The following IQCN variants were observed in gnomAD, a reference collection of about 807,000 sequenced individuals.
IQCN encodes IQ motif containing N.
Under a neutral mutation model 64.4 loss-of-function variants are expected in IQCN, and 46 were observed. That is an observed-to-expected ratio of 0.71 (90% CI 0.56 to 0.91). IQCN has a LOEUF of 0.91. Ranked by LOEUF, IQCN falls within the 40% of genes least tolerant of loss-of-function variation. IQCN has a pLI of 0.00. For synonymous variants in IQCN, 733 were observed against 775.6 expected, an observed-to-expected ratio of 0.95 and a Z score of 0.91; for missense variants, 1,753 against 1,857.4, an observed-to-expected ratio of 0.94 and a Z score of 1.03.
chr19:18,266,896 G>T lies in IQCN; in HGVS notation c.644C>A (p.Ala215Glu). The T allele has an allele frequency of 6.2e-7, 1 of 1,607,992 alleles. No individual in the cohort carries two copies. The highest frequency in any genetic ancestry group is 8.5e-7 in the Non-Finnish European group (1 of 1,175,978). The change falls in exon 3 of 4, where the codon GCA (alanine) becomes GAA (glutamate). Residue 215 changes from alanine (A) to glutamate (E), a missense_variant. Ala to Glu is a moderately radical substitution (Grantham distance 107). Coordinates refer to ENST00000392413, the MANE Select transcript of IQCN (RefSeq NM_001145304.2). This position sits in a 1 kb window ranked among gnomAD's most constrained non-coding sequence, Gnocchi z 4.3. ...PQSSPLLQPP[A>E]AQGTPEPCVQ... is the part of the protein sequence containing the mutation. Reference sequence around the variant, plus strand: ...ACAGGGCTCTGGGGTACCCTGAGCTGCTGGGGGCTGCAGGAGGGGGGACGA... The same window carrying T: ...ACAGGGCTCTGGGGTACCCTGAGCTTCTGGGGGCTGCAGGAGGGGGGACGA...
rs1169809494 is a variant in IQCN, at chr19:18,264,473, T to C, written c.3067A>G (p.Thr1023Ala). ...GGCGTCTTAGTCACCCCGCTTCCTG[T>C]TGATTTCGAGGCGGCCTTGGGGAGG... The part of the protein sequence containing the change: ...TILPKAASKS[T>A]GSGVTKTPAL... The change falls in exon 3 of 4, where the codon ACA becomes GCA. Residue 1023 changes from threonine to alanine, a missense_variant. Coordinates refer to ENST00000392413, the MANE Select transcript of IQCN (RefSeq NM_001145304.2). This position sits in a 1 kb window ranked among gnomAD's most constrained non-coding sequence, Gnocchi z 4.3. 9.7e-6 allele frequency: 15 copies of C among 1,551,406 alleles called. No individual in the cohort carries two copies. Among genetic ancestry groups the C allele is most frequent in the Non-Finnish European group, 1.2e-5 (14 of 1,146,912 alleles).
chr19:18,269,938 T>C (rs1305784177), intron 1 of IQCN, among the ~76,000 whole-genome samples: 1 of 151,192 alleles, frequency 6.6e-6, no homozygotes. Context: ...GCGTCCAGGC[T>C]GAGCACAGTG....
In IQCN at chr19:18,265,572, G is replaced by A. The variant is rs1179312141; in HGVS notation, c.1968C>T (p.Thr656=). Reference sequence around the variant, plus strand: ...GGGCAGCCAGCTGTCCCCGGGGCAGGGTGACAGCCATGTCTACAGGCACAT... The same window carrying A: ...GGGCAGCCAGCTGTCCCCGGGGCAGAGTGACAGCCATGTCTACAGGCACAT... ...HVYVPVDMAV[T]LPRGQLAAPL... Residue 656 remains threonine (T), a synonymous_variant, in exon 3 of 4, where the codon ACC becomes ACT. Coordinates refer to ENST00000392413, the MANE Select transcript of IQCN (RefSeq NM_001145304.2). The surrounding 1 kb of genome is among the most constrained non-coding windows in gnomAD (Gnocchi z 4.7). 1.9e-6 allele frequency: 3 copies of A among 1,612,096 alleles called. No individual in the cohort carries two copies. The highest frequency in any genetic ancestry group is 3.3e-5 in the Admixed American group (2 of 59,956).
chr19:18,264,900 C>T lies in IQCN; in HGVS notation c.2640G>A (p.Leu880=). 1 of 1,613,362 alleles carries T rather than the reference C, an allele frequency of 6.2e-7. No individual in the cohort carries two copies. The highest frequency in any genetic ancestry group is 1.1e-5 in the South Asian group (1 of 91,042). ...EDTVGSLLAS[L]CAEVAGVLAS... is the part of the protein sequence containing the mutation. ...CCAGCACACCAGCTACTTCAGCACA[C>T]AAGGAGGCCAGCAGGGAGCCTACCG... Residue 880 remains leucine, a synonymous_variant, in exon 3 of 4, where the codon TTG becomes TTA. Coordinates refer to ENST00000392413, the MANE Select transcript of IQCN (RefSeq NM_001145304.2). The surrounding 1 kb of genome is among the most constrained non-coding windows in gnomAD (Gnocchi z 4.3).
intron 1 of IQCN, among the ~76,000 whole-genome samples, chr19:18,271,792 CGTTT>C (rs1969740085): frequency 6.6e-6 from 1 of 151,912 alleles, no homozygotes; most frequent in Admixed American, 6.6e-5. Flanking sequence ...GGGCTCTGTT[CGTTT>C]ATTATCATTT....
chr19:18,267,804 T>C (rs1378750407), intron 2 of IQCN: 3 of 282,728 alleles, frequency 1.1e-5, no homozygotes, highest in Non-Finnish European at 1.9e-5. Flanking sequence ...TTTTTTTTTT[T>C]TTTTTGAGAC....
Position 18,264,347 on chromosome 19 carries a change from C to A in IQCN, c.3177+16G>T. On this transcript the variant is annotated intron_variant, in intron 3 of 3. Coordinates refer to ENST00000392413, the MANE Select transcript of IQCN (RefSeq NM_001145304.2). This position sits in a 1 kb window ranked among gnomAD's most constrained non-coding sequence, Gnocchi z 4.3. ...ATGGTGAAACAACCCCAGATCCCAA[C>A]CTGGGAATCCCTGACCTTGCTGGTC... 6.9e-7 allele frequency: 1 copy of A among 1,454,306 alleles called. No homozygotes were observed. The highest frequency in any genetic ancestry group is 9.1e-7 in the Non-Finnish European group (1 of 1,104,370). The allele number at this position is 1,454,306 out of a possible 1,614,324, so 90.1% of individuals were successfully genotyped here.
At chr19:18,269,356 C>T in intron 2 of IQCN, 110 bp downstream of exon 2, 2 of 1,107,850 alleles carry the variant, frequency 1.8e-6, no homozygotes, top group Non-Finnish European at 2.7e-6. Context: ...AGCTGGGACA[C>T]TGTCAAGCCA....
At chr19:18,262,308 G>A (rs1017051934) in intron 3 of IQCN, 11 of 153,046 alleles carry the variant, frequency 7.2e-5, no homozygotes, top group African/African-American at 2.2e-4. Context: ...TGGGTAGGTT[G>A]GACTTGGGGA....
Position 18,264,392 on chromosome 19 carries a change from G to T in IQCN, c.3148C>A (p.Leu1050Met). 1 of 1,518,932 alleles carries T rather than the reference G, an allele frequency of 6.6e-7. No individual in the cohort carries two copies. Among genetic ancestry groups the T allele is most frequent in the Non-Finnish European group, 8.8e-7 (1 of 1,130,426 alleles). The allele number at this position is 1,518,932 out of a possible 1,614,324, so 94.1% of individuals were successfully genotyped here. ...CTGGTCTGTGGTCTCACGGGGCCCA[G>T]GGAGGGCCCCCATGCGGCCGATGGA... The part of the protein sequence containing the change: ...RSPSAAWGPS[L>M]GPVRPQTSKG... Residue 1050 changes from leucine to methionine, a missense_variant, in exon 3 of 4, where the codon CTG (leucine) becomes ATG (methionine). Coordinates refer to ENST00000392413, the MANE Select transcript of IQCN (RefSeq NM_001145304.2). The surrounding 1 kb of genome is among the most constrained non-coding windows in gnomAD (Gnocchi z 4.3).
chr19:18,267,562 G>T, intron 2 of IQCN, 36 bp from the exon 3 acceptor site: 1 of 1,495,038 alleles, frequency 6.7e-7, no homozygotes, highest in Non-Finnish European at 8.9e-7. Context: ...GGGTGTAGCA[G>T]GTCCTGCAAA....
rs762672823 is a variant in IQCN, at chr19:18,257,522, G to A, written c.3762C>T (p.Arg1254=). 6.2e-7 allele frequency: 1 copy of A among 1,611,478 alleles called. No individual in the cohort carries two copies. The highest frequency in any genetic ancestry group is 1.1e-5 in the South Asian group (1 of 90,882). ...GTGTGCGTCCACAGGTATGACAGGT[G>A]CGAGGGCTGGAGCCCACTAGCATCA... ...SVVMLVGSSP[R]TCHTCGRTQP... Residue 1254 remains arginine, a synonymous_variant, in exon 4 of 4, where the codon CGC becomes CGT. Transcript: ENST00000392413.
Position 18,257,159 on chromosome 19 carries a change from C to G in IQCN, c.*21G>C. On this transcript the variant is annotated 3_prime_UTR_variant, in exon 4 of 4. Transcript: ENST00000392413. ...GCCATGAGTGCCTCCCACGAAGTCC[C>G]CACTGCAGGGAGCCAGGGTCCTAGA... The G allele has an allele frequency of 1.2e-6, 2 of 1,609,512 alleles. No individual in the cohort carries two copies. Among genetic ancestry groups the G allele is most frequent in the Non-Finnish European group, 1.7e-6 (2 of 1,179,230 alleles).
At chr19:18,273,127 T>C (rs944171437) in intron 1 of IQCN, among the ~76,000 whole-genome samples, 1 of 151,814 alleles carries the variant, frequency 6.6e-6, no homozygotes, top group African/African-American at 2.4e-5. Context: ...GCCTCCCAGG[T>C]TCAAAGTGAT....
intron 1 of IQCN, among the ~76,000 whole-genome samples, chr19:18,273,284 G>A (rs148275662): frequency 2.0e-3 from 310 of 152,056 alleles, no homozygotes; most frequent in African/African-American, 7.0e-3. Flanking sequence ...CGCCCGCCTC[G>A]GCCTCCCAAA....
chr19:18,268,174 CTGTGTGTGTGTGTGTGTGTGTG>C (rs71336668), intron 2 of IQCN, among the ~76,000 whole-genome samples: 3 of 134,398 alleles, frequency 2.2e-5, no homozygotes, highest in Non-Finnish European at 3.2e-5. Context: ...CTGTTTGCCT[CTGTGTGTGTGTGTGTGTGTGTG>C]TGTGTGTGTG....
chr19:18,257,895 C>G lies in IQCN; in HGVS notation c.3389G>C (p.Arg1130Pro), dbSNP rs775048704. Residue 1130 changes from arginine to proline, a missense_variant, in exon 4 of 4, where the codon CGT becomes CCT. Arg to Pro is a moderately radical substitution (Grantham distance 103, BLOSUM62 -2). Coordinates refer to ENST00000392413, the MANE Select transcript of IQCN (RefSeq NM_001145304.2). ...IQAGVRGYLARRRIRLWHRGA... is the reference protein window; with the variant it reads ...IQAGVRGYLAPRRIRLWHRGA... ...CCGGTGCCACAGCCGGATCCTGCGACGCGCCAGGTAGCCACGGACGCCCGC... is the reference window on the plus strand; with the variant it reads ...CCGGTGCCACAGCCGGATCCTGCGAGGCGCCAGGTAGCCACGGACGCCCGC... 4 of 1,612,556 alleles carry G rather than the reference C, an allele frequency of 2.5e-6. No homozygotes were observed. The highest frequency in any genetic ancestry group is 3.4e-6 in the Non-Finnish European group (4 of 1,179,930).
Position 18,257,997 on chromosome 19 carries a change from G to A in IQCN, c.3287C>T (p.Pro1096Leu), listed in dbSNP as rs780062310. Residue 1096 changes from proline (P) to leucine (L), a missense_variant, in exon 4 of 4, where the codon CCC (proline) becomes CTC (leucine). Pro to Leu is a moderately conservative substitution (Grantham distance 98, BLOSUM62 -3). Coordinates refer to ENST00000392413, the MANE Select transcript of IQCN (RefSeq NM_001145304.2). ...CACCATTGGCTCCCCGGACCGCCTG[G>A]GAGGCACCACCGCCTTGTTGCGCCA... is the stretch of plus-strand genomic sequence containing the variant. ...DTWRNKAVVPPRRSGEPMVSM... is the reference protein window; with the variant it reads ...DTWRNKAVVPLRRSGEPMVSM... 4 of 1,612,572 alleles carry A rather than the reference G, an allele frequency of 2.5e-6. No individual in the cohort carries two copies. In the South Asian group the frequency reaches 4.4e-5, roughly 18 times the overall value.
chr19:18,263,422 G>A (rs973798273), intron 3 of IQCN, among the ~76,000 whole-genome samples: 19 of 152,276 alleles, frequency 1.2e-4, no homozygotes, highest in African/African-American at 4.6e-4. Flanking sequence ...AGCTTCTGGG[G>A]GCAGAGCAGG....
Sources: allele counts gnomAD v4.1 joint callset (sites outside exome capture counted in the v4.1 genomes callset), GRCh38; gene constraint gnomAD v4.1.1; non-coding constraint Gnocchi (gnomAD v3.1); transcripts MANE v1.5; gene names NCBI Gene and HGNC (gene_info 2026-07-23, HGNC 2026-07-21).